Variants in CFAP20DC observed in about 807,000 individuals in gnomAD.
CFAP20DC encodes protein CFAP20DC.
Under a neutral mutation model 101.7 loss-of-function variants are expected in CFAP20DC, and 84 were observed. The ratio of observed to expected loss-of-function variants is 0.83; its 90% CI spans 0.69 to 0.99. The LOEUF is 0.99. Ranked by LOEUF, CFAP20DC falls within the 50% of genes least tolerant of loss-of-function variation. The probability of loss-of-function intolerance (pLI) is 0.00; values close to 1 mark genes in which losing one functional copy is unlikely to be tolerated. For synonymous variants in CFAP20DC, 359 were observed against 351.2 expected (o/e 1.02, Z -0.25); for missense variants, 1,007 against 970.3 (o/e 1.04, Z -0.50).
At chr3:58,823,189 T>C (rs2075808680) in intron 14 of CFAP20DC, among the ~76,000 whole-genome samples, 1 of 152,156 alleles carries the variant, frequency 6.6e-6, no homozygotes, top group African/African-American at 2.4e-5. Context: ...TTTCTTTTGC[T>C]AATCTGTCTT....
intron 4 of CFAP20DC, among the ~76,000 whole-genome samples, chr3:58,984,781 G>A (rs1203992178): frequency 6.6e-6 from 1 of 152,154 alleles, no homozygotes; most frequent in African/African-American, 2.4e-5. Flanking sequence ...GATGTTGGGT[G>A]GGCTATTACT....
At chr3:58,881,070 C>A (rs1160268780) in intron 7 of CFAP20DC, among the ~76,000 whole-genome samples, 1 of 152,030 alleles carries the variant, frequency 6.6e-6, no homozygotes, top group African/African-American at 2.4e-5. Context: ...ATTGTGGAAC[C>A]AAAAGAAGAA....
intron 14 of CFAP20DC, among the ~76,000 whole-genome samples, chr3:58,817,876 A>AG (rs1297390247): frequency 2.0e-5 from 3 of 150,904 alleles, no homozygotes; most frequent in Non-Finnish European, 4.5e-5. Context: ...AAAAATGTTA[A>AG]GGGCAGCCAG....
chr3:59,033,565 A>G (rs1260365950), intron 4 of CFAP20DC, among the ~76,000 whole-genome samples: 3 of 152,160 alleles, frequency 2.0e-5, no homozygotes, highest in African/African-American at 7.2e-5. Context: ...CACAGCTATC[A>G]ACAGCCAAAT....
At position 58,724,823 on chromosome 3, in the gene CFAP20DC, G is replaced by A. The variant is rs1165299710; in HGVS notation, c.198-7195C>T. On this transcript the variant is annotated intron_variant, in intron 3 of 3. Transcript: ENST00000486145. The surrounding 1 kb of genome is among the most constrained non-coding windows in gnomAD (Gnocchi z 5.6). ...GGGTACCCTACGGGTGGGTGGTGTTGAGGCTGGTCCCCAACACAGCAGCAG... is the reference window on the plus strand; with the variant it reads ...GGGTACCCTACGGGTGGGTGGTGTTAAGGCTGGTCCCCAACACAGCAGCAG... 6.6e-6 allele frequency among the ~76,000 whole-genome samples: 1 copy of A among 152,028 alleles called. No homozygotes were observed. The highest frequency in any genetic ancestry group is 1.9e-4 in the East Asian group (1 of 5,166).
At position 58,914,395 on chromosome 3, in the gene CFAP20DC, G is replaced by A. The variant is rs1335623480; in HGVS notation, c.394-531C>T. On this transcript the variant is annotated intron_variant, in intron 5 of 16. Transcript: ENST00000482387. This position sits in a 1 kb window ranked among gnomAD's most constrained non-coding sequence, Gnocchi z 4.9. Reference sequence around the variant, plus strand: ...TCTAAAGAATTTGTAATTATGCTGGGTATTTGCCAGTTTTTAAAGTACTCT... The same window carrying A: ...TCTAAAGAATTTGTAATTATGCTGGATATTTGCCAGTTTTTAAAGTACTCT... 6.6e-6 allele frequency among the ~76,000 whole-genome samples: 1 copy of A among 152,060 alleles called. No homozygotes were observed. The highest frequency in any genetic ancestry group is 1.9e-4 in the East Asian group (1 of 5,200).
chr3:58,739,234 G>C (rs1392494254), downstream of CFAP20DC, among the ~76,000 whole-genome samples: 1 of 152,148 alleles, frequency 6.6e-6, no homozygotes, highest in Non-Finnish European at 1.5e-5. Context: ...ATTGCTGACA[G>C]TTGTTTTCCC....
intron 5 of CFAP20DC, among the ~76,000 whole-genome samples, chr3:58,937,255 A>G (rs1352954653): frequency 1.3e-5 from 2 of 152,152 alleles, no homozygotes; most frequent in Non-Finnish European, 2.9e-5. Context: ...GCTTCTGTCC[A>G]TGCTGTTGCT....
Position 58,863,631 on chromosome 3 carries a change from T to C in CFAP20DC, c.1520A>G (p.Lys507Arg). 1 of 1,614,156 alleles carries C rather than the reference T, an allele frequency of 6.2e-7. No homozygotes were observed. The highest frequency in any genetic ancestry group is 8.5e-7 in the Non-Finnish European group (1 of 1,180,034). The change falls in exon 12 of 17, where the codon AAA (lysine) becomes AGA (arginine). Residue 507 changes from lysine to arginine, a missense_variant. Lys to Arg is a conservative substitution (Grantham distance 26, BLOSUM62 2). Transcript: ENST00000482387. This position sits in a 1 kb window ranked among gnomAD's most constrained non-coding sequence, Gnocchi z 5.9. ...TCTGCTTGTCACACTGTTATCCTCT[T>C]TTAGATCCAAAATAAATGAGAGCTC... ...PEELSFILDLKEDNSVTSRDT... is the reference protein window; with the variant it reads ...PEELSFILDLREDNSVTSRDT...
intron 6 of CFAP20DC, among the ~76,000 whole-genome samples, chr3:58,896,021 G>A (rs913603837): frequency 2.2e-4 from 34 of 152,310 alleles, no homozygotes; most frequent in African/African-American, 7.7e-4. Flanking sequence ...AATTCAAGAT[G>A]AGATCTGGGT....
At chr3:58,924,890 T>G (rs1227194658) in intron 5 of CFAP20DC, among the ~76,000 whole-genome samples, 3 of 152,300 alleles carry the variant, frequency 2.0e-5, no homozygotes, top group South Asian at 2.1e-4. Flanking sequence ...GAGAAGTGCC[T>G]GTTCACACCC....
At chr3:58,846,734 T>C (rs2077682304) in intron 13 of CFAP20DC, among the ~76,000 whole-genome samples, 1 of 149,254 alleles carries the variant, frequency 6.7e-6, no homozygotes, top group Non-Finnish European at 1.5e-5. Flanking sequence ...AGAACAAAGC[T>C]GGAGGCATCA....
rs537295349 is a variant in CFAP20DC at position 58,859,841 on chromosome 3, C to A, written c.1593+3717G>T. On this transcript the variant is annotated intron_variant, in intron 12 of 16. Coordinates refer to ENST00000482387, the MANE Select transcript of CFAP20DC (RefSeq NM_001394063.1). This position sits in a 1 kb window ranked among gnomAD's most constrained non-coding sequence, Gnocchi z 4.1. The stretch of plus-strand genomic sequence containing the variant: ...AGAAGACTACTGTCAACTAAATATT[C>A]CTTTCCACCGTGTGTATGTAAGTGT... Among the ~76,000 whole-genome samples, 2 of 152,172 alleles carry A rather than the reference C, an allele frequency of 1.3e-5. No homozygotes were observed. Among genetic ancestry groups the A allele is most frequent in the East Asian group, 3.9e-4 (2 of 5,176 alleles).
intron 4 of CFAP20DC, among the ~76,000 whole-genome samples, chr3:58,943,001 G>A (rs941806070): frequency 3.3e-5 from 5 of 152,210 alleles, no homozygotes; most frequent in African/African-American, 4.8e-5. Flanking sequence ...CTGCAAAGCC[G>A]CTGTAGCCAG....
intron 4 of CFAP20DC, among the ~76,000 whole-genome samples, chr3:59,021,355 C>T (rs1182809518): frequency 1.3e-5 from 2 of 151,988 alleles, no homozygotes; most frequent in Non-Finnish European, 2.9e-5. Context: ...ACCATTTACC[C>T]ATGAATGCCA....
At chr3:58,816,026 C>T (rs1283988264) in intron 14 of CFAP20DC, among the ~76,000 whole-genome samples, 1 of 151,766 alleles carries the variant, frequency 6.6e-6, no homozygotes, top group Non-Finnish European at 1.5e-5. Flanking sequence ...ACCCAAAGGA[C>T]TATAAATCAT....
rs576812880 is a variant in CFAP20DC at position 59,006,130 on chromosome 3, AGGATGGAT to A, written c.278+33419_278+33426del. Among the ~76,000 whole-genome samples, 14 of 152,012 alleles carry A rather than the reference AGGATGGAT, an allele frequency of 9.2e-5. No individual in the cohort carries two copies. Among genetic ancestry groups the A allele is most frequent in the South Asian group, 2.1e-4 (1 of 4,820 alleles). ...ATATATACACACATCTATACATGGA[AGGATGGAT>A]GGATGGATGGATGGATGGACGGGGA... On this transcript the variant is annotated intron_variant, in intron 4 of 16. Transcript: ENST00000482387. This position sits in a 1 kb window ranked among gnomAD's most constrained non-coding sequence, Gnocchi z 4.3.
chr3:59,035,456 A>G (rs2094080810), intron 4 of CFAP20DC, among the ~76,000 whole-genome samples: 1 of 152,202 alleles, frequency 6.6e-6, no homozygotes, highest in Non-Finnish European at 1.5e-5. Context: ...CCAGACTACT[A>G]AAGAAGAAAA....
chr3:59,036,084 G>T (rs575736542), intron 4 of CFAP20DC, among the ~76,000 whole-genome samples: 2 of 152,110 alleles, frequency 1.3e-5, no homozygotes, highest in Non-Finnish European at 2.9e-5. Flanking sequence ...AAAGGCCTTC[G>T]ATAAAATTCA....
Sources: gnomAD v4.1 joint callset for allele counts (sites outside exome capture counted in the v4.1 genomes callset) on GRCh38, gnomAD v4.1.1 for gene constraint, Gnocchi (gnomAD v3.1) non-coding constraint, MANE v1.5 for transcripts, NCBI Gene and HGNC (gene_info 2026-07-23, HGNC 2026-07-21) for gene names.